ZNF254: variants seen among roughly 807,000 people sequenced by gnomAD.
The protein encoded by ZNF254 is zinc finger protein 254, also known as CTD-2017D11.1.
ZNF254 carries 10 observed loss-of-function variants against 12.4 expected under a neutral mutation model. That is an observed-to-expected ratio of 0.80 (90% CI 0.50 to 1.36). The LOEUF (loss-of-function observed/expected upper bound fraction) is 1.36, where lower values mean the gene tolerates loss of function less well. Among genes scored for constraint, ZNF254 ranks in the 40% most tolerant of loss-of-function variants. The pLI is 0.00. For synonymous variants in ZNF254, 305 were observed against 253.4 expected, an observed-to-expected ratio of 1.20 and a Z score of -1.93; for missense variants, 996 against 763.9, an observed-to-expected ratio of 1.30 and a Z score of -3.58.
At chr19:24,115,788 C>T (rs1022806368) in intron 3 of ZNF254, among the ~76,000 whole-genome samples, 6 of 152,234 alleles carry the variant, frequency 3.9e-5, no homozygotes, top group African/African-American at 1.4e-4. Context: ...GTCTTTCTAG[C>T]CTCGACGGTT....
At chr19:24,056,258 A>G (rs2145360130) in intron 2 of ZNF254, among the ~76,000 whole-genome samples, 1 of 152,272 alleles carries the variant, frequency 6.6e-6, no homozygotes, top group African/African-American at 2.4e-5. Context: ...AGCAATTGTG[A>G]CATATTGCTG....
intron 3 of ZNF254, among the ~76,000 whole-genome samples, chr19:24,113,599 G>T (rs1300804057): frequency 6.6e-6 from 1 of 152,118 alleles, no homozygotes; most frequent in East Asian, 1.9e-4. Flanking sequence ...GCAAAAACTG[G>T]AAGCATTCCC....
chr19:24,115,791 C>T (rs1246847178), intron 3 of ZNF254, among the ~76,000 whole-genome samples: 5 of 152,128 alleles, frequency 3.3e-5, no homozygotes, highest in East Asian at 1.9e-4. Flanking sequence ...TTTCTAGCCT[C>T]GACGGTTTCT....
chr19:24,078,760 C>T (rs1568442165), intron 2 of ZNF254: 1 of 152,162 alleles, frequency 6.6e-6, no homozygotes, highest in African/African-American at 2.4e-5. Flanking sequence ...GGGCCTGGCT[C>T]CTAATTGCAA....
chr19:24,087,735 G>A (rs1179812068), intron 1 of ZNF254, among the ~76,000 whole-genome samples: 2 of 152,038 alleles, frequency 1.3e-5, no homozygotes, highest in African/African-American at 4.8e-5. Context: ...GGGCGTCACT[G>A]CAAAAATATT....
At chr19:24,116,417 A>T (rs1322595788) in intron 3 of ZNF254, among the ~76,000 whole-genome samples, 1 of 151,422 alleles carries the variant, frequency 6.6e-6, no homozygotes, top group Non-Finnish European at 1.5e-5. Context: ...TTTTCTCTAA[A>T]CTTCCCTTCT....
intron 3 of ZNF254, chr19:24,106,848 A>G (rs1476710366): frequency 5.0e-5 from 22 of 436,090 alleles, no homozygotes; most frequent in Non-Finnish European, 8.6e-5. Flanking sequence ...CCCTTCAATG[A>G]TCTTCCTCCA....
intron 3 of ZNF254, among the ~76,000 whole-genome samples, chr19:24,113,872 G>A (rs1973864210): frequency 6.6e-6 from 1 of 152,120 alleles, no homozygotes; most frequent in Non-Finnish European, 1.5e-5. Context: ...ACAATCACAA[G>A]CATTCTTATA....
rs1224711720 is a variant in ZNF254 at position 24,128,271 on chromosome 19, TA to T, written c.*292del. The T allele has an allele frequency of 6.5e-6, 2 of 308,202 alleles. No individual in the cohort carries two copies. Among genetic ancestry groups the T allele is most frequent in the African/African-American group, 4.3e-5 (2 of 46,586 alleles). 19.1% of individuals were successfully genotyped at this position (308,202 alleles called of 1,614,324 possible). ...ACACCCTATTGCACAGGAAAGCATT[TA>T]TACTTGAGAAGAAATGTACAAATAT... On this transcript the variant is annotated 3_prime_UTR_variant, in exon 4 of 4. Coordinates refer to ENST00000357002, the MANE Select transcript of ZNF254 (RefSeq NM_203282.4).
rs749447527 is a variant in ZNF254 at position 24,087,269 on chromosome 19, G to A, written c.-39G>A. ...CTGCTCCTAGAGGCCCAGCCTCTGT[G>A]GCGCTGTTACCAGCAGGTATTGGAG... On this transcript the variant is annotated 5_prime_UTR_variant, in exon 1 of 4. Transcript: ENST00000357002. The A allele has an allele frequency of 2.2e-5, 36 of 1,612,834 alleles. No homozygotes were observed. The highest frequency in any genetic ancestry group is 3.3e-4 in the Middle Eastern group (2 of 6,052).
At chr19:24,118,188 G>T (rs1431389801) in intron 3 of ZNF254, among the ~76,000 whole-genome samples, 3 of 151,656 alleles carry the variant, frequency 2.0e-5, no homozygotes, top group African/African-American at 7.3e-5. Flanking sequence ...TTAGTAACTG[G>T]GATTACAGGC....
At chr19:24,071,597 T>G (rs1386116083) in intron 2 of ZNF254, among the ~76,000 whole-genome samples, 1 of 152,226 alleles carries the variant, frequency 6.6e-6, no homozygotes. Flanking sequence ...GGTAGACTGC[T>G]GCATGGACCC....
intron 1 of ZNF254, among the ~76,000 whole-genome samples, chr19:24,092,297 G>A (rs1972438360): frequency 6.6e-6 from 1 of 151,628 alleles, no homozygotes; most frequent in African/African-American, 2.4e-5. Flanking sequence ...CTCTCGAATA[G>A]CTGGGATTAC....
At position 24,106,640 on chromosome 19, in the gene ZNF254, C is replaced by T. The variant is rs147227163; in HGVS notation, c.250C>T (p.Pro84Ser). The T allele has an allele frequency of 7.5e-5, 118 of 1,580,536 alleles. 1 individual carries two copies. The highest frequency in any genetic ancestry group is 1.2e-4 in the Admixed American group (7 of 58,910). ...GCGACATGAGATGGTGGATGAACCC[C>T]CAGGTAGGTGAGAGTGAATACAACA... ...MKRHEMVDEP[P>S]GMCPHFAQDL... The change falls in exon 3 of 4, where the codon CCA becomes TCA. Residue 84 changes from proline to serine, a missense_variant. Transcript: ENST00000357002.
rs1253313259 is a variant in ZNF254 at position 24,127,286 on chromosome 19, C to A, written c.1286C>A (p.Thr429Asn). The change falls in exon 4 of 4, where the codon ACT becomes AAT. Residue 429 changes from threonine to asparagine, a missense_variant. By Grantham distance (65) the Thr-to-Asn change is moderately conservative. Transcript: ENST00000357002. ...SNLTTHKIIH[T>N]GEKPYKCEEC... ...CTTACTACACATAAGATAATTCATACTGGAGAGAAACCTTACAAGTGTGAA... is the reference window on the plus strand; with the variant it reads ...CTTACTACACATAAGATAATTCATAATGGAGAGAAACCTTACAAGTGTGAA... 6.2e-7 allele frequency: 1 copy of A among 1,613,482 alleles called. No homozygotes were observed. The highest frequency in any genetic ancestry group is 8.5e-7 in the Non-Finnish European group (1 of 1,179,826).
intron 1 of ZNF254, chr19:24,046,091 A>G (rs1427657087): frequency 6.6e-6 from 1 of 152,090 alleles, no homozygotes; most frequent in African/African-American, 2.4e-5. Flanking sequence ...TAAAAATCTT[A>G]TATAATGTCC....
chr19:24,058,536 T>C (rs1441171592), intron 2 of ZNF254, among the ~76,000 whole-genome samples: 1 of 152,004 alleles, frequency 6.6e-6, no homozygotes, highest in Non-Finnish European at 1.5e-5. Flanking sequence ...GCCTCCCAAG[T>C]AGCTTAGATT....
chr19:24,117,430 T>C (rs1974164345), intron 3 of ZNF254, among the ~76,000 whole-genome samples: 1 of 152,194 alleles, frequency 6.6e-6, no homozygotes, highest in South Asian at 2.1e-4. Flanking sequence ...CGCTGCTGCC[T>C]TGCAGTTTGA....
chr19:24,096,855 C>G (rs1324482683), intron 1 of ZNF254, among the ~76,000 whole-genome samples: 1 of 152,124 alleles, frequency 6.6e-6, no homozygotes, highest in Non-Finnish European at 1.5e-5. Context: ...TATACAACAC[C>G]TTTCTCTCTT....
Sources: gnomAD v4.1 joint callset for allele counts (sites outside exome capture counted in the v4.1 genomes callset) on GRCh38, gnomAD v4.1.1 for gene constraint, MANE v1.5 for transcripts, NCBI Gene and HGNC (gene_info 2026-07-23, HGNC 2026-07-21) for gene names.